PTGS1: variants seen among roughly 807,000 people sequenced by gnomAD.
PTGS1 encodes the protein prostaglandin-endoperoxide synthase 1.
PTGS1 carries 40 observed loss-of-function variants against 63.0 expected under a neutral mutation model. The observed-to-expected ratio is 0.63, with a 90% confidence interval of 0.49 to 0.83. The LOEUF (loss-of-function observed/expected upper bound fraction) is 0.83. Among genes scored for constraint, PTGS1 ranks in the 40% least tolerant of loss-of-function variants. The pLI is 0.00. For synonymous variants in PTGS1, 298 were observed against 301.9 expected, an observed-to-expected ratio of 0.99 and a Z score of 0.13; for missense variants, 709 against 786.5, an observed-to-expected ratio of 0.90 and a Z score of 1.18.
chr9:122,388,097 T>C (rs972709587), intron 9 of PTGS1, among the ~76,000 whole-genome samples: 7 of 152,250 alleles, frequency 4.6e-5, no homozygotes, highest in African/African-American at 1.7e-4. Context: ...TGGATGGTTT[T>C]CAGAACGTTT....
rs968401325 is a variant in PTGS1, at chr9:122,377,886, T to G, written c.95-13T>G. On this transcript the variant is annotated splice_polypyrimidine_tract_variant and intron_variant, in intron 2 of 10. Transcript: ENST00000362012. ...CCCTAGCATGGTCTCTGACCTCCAT[T>G]TCTCACCCACAGTGAATCCCTGTTG... 3.1e-6 allele frequency: 5 copies of G among 1,612,372 alleles called. No homozygotes were observed. Among genetic ancestry groups the G allele is most frequent in the Non-Finnish European group, 4.2e-6 (5 of 1,178,546 alleles).
intron 10 of PTGS1, 75 bp from the exon 11 acceptor site, chr9:122,392,114 G>A: frequency 7.4e-7 from 1 of 1,344,762 alleles, no homozygotes; most frequent in South Asian, 1.5e-5. Context: ...AGGTGGACCT[G>A]GAAGGGTCCC....
rs771663257 is a variant in PTGS1 at position 122,378,033 on chromosome 9, C to T, written c.211+18C>T. 1.3e-6 allele frequency: 2 copies of T among 1,599,958 alleles called. No individual in the cohort carries two copies. Among genetic ancestry groups the T allele is most frequent in the Admixed American group, 3.3e-5 (2 of 59,982 alleles). On this transcript the variant is annotated intron_variant, in intron 3 of 10. Transcript: ENST00000362012. ...CACCATCCGTGAGCTGGGCCTTCAGCCCTCACTCCTTCCGTCTTGAGCCCT... is the reference window on the plus strand; with the variant it reads ...CACCATCCGTGAGCTGGGCCTTCAGTCCTCACTCCTTCCGTCTTGAGCCCT...
intron 5 of PTGS1, among the ~76,000 whole-genome samples, chr9:122,379,290 T>C (rs761608245): frequency 1.3e-5 from 2 of 152,234 alleles, no homozygotes; most frequent in Non-Finnish European, 2.9e-5. Context: ...TAGTTTTACA[T>C]GCTTCACCAG....
intron 8 of PTGS1, among the ~76,000 whole-genome samples, chr9:122,386,104 G>A (rs577543442): frequency 1.3e-5 from 2 of 150,246 alleles, no homozygotes; most frequent in African/African-American, 4.9e-5. Context: ...AGACCAGCCT[G>A]GATAACATAG....
chr9:122,386,338 A>G lies in PTGS1; in HGVS notation c.1010-108A>G, dbSNP rs1837872230. On this transcript the variant is annotated intron_variant, in intron 8 of 10. Coordinates refer to ENST00000362012, the MANE Select transcript of PTGS1 (RefSeq NM_000962.4). ...AATAAACATCAACAGCAACAACAAC[A>G]ATAAAGAGACCAAAAGCAAGCACCT... The G allele has an allele frequency of 2.4e-6, 3 of 1,237,648 alleles. No individual in the cohort carries two copies. The East Asian group carries it at 7.0e-5, about 29-fold the overall frequency. The allele number at this position is 1,237,648 out of a possible 1,614,324, so 76.7% of individuals were successfully genotyped here.
intron 7 of PTGS1, among the ~76,000 whole-genome samples, chr9:122,382,231 G>A (rs1837572255): frequency 6.6e-6 from 1 of 152,090 alleles, no homozygotes; most frequent in Admixed American, 6.5e-5. Flanking sequence ...TATTAAAAGA[G>A]GGAAAAAGAA....
rs201584801 is a variant in PTGS1, at chr9:122,381,792, G to T, written c.762+45G>T. The T allele has an allele frequency of 8.3e-6, 13 of 1,569,176 alleles. No individual in the cohort carries two copies. In the African/African-American group the frequency reaches 1.5e-4, roughly 18 times the overall value. ...TAGGGCAGAGGGAGGGGTCTCCCAT[G>T]GTCTTCCCTGGCAAAGACTGCTTGG... On this transcript the variant is annotated intron_variant, in intron 7 of 10. Coordinates refer to ENST00000362012, the MANE Select transcript of PTGS1 (RefSeq NM_000962.4).
chr9:122,392,320 G>A lies in PTGS1; in HGVS notation c.1576G>A (p.Ala526Thr), dbSNP rs373931629. 6.2e-7 allele frequency: 1 copy of A among 1,614,144 alleles called. No individual in the cohort carries two copies. The highest frequency in any genetic ancestry group is 8.5e-7 in the Non-Finnish European group (1 of 1,180,026). The change falls in exon 11 of 11, where the codon GCT (alanine) becomes ACT (threonine). Residue 526 changes from alanine to threonine, a missense_variant. Transcript: ENST00000362012. ...IFGESMIEIG[A>T]PFSLKGLLGN... ...TGGGGAGAGTATGATAGAGATTGGG[G>A]CTCCCTTTTCCCTCAAGGGTCTCCT... is the stretch of plus-strand genomic sequence containing the variant.
At position 122,393,915 on chromosome 9, in the gene PTGS1, C is replaced by T. The variant is rs1351193810; in HGVS notation, c.*1371C>T. 1 of 152,240 alleles carries T rather than the reference C, an allele frequency of 6.6e-6. No individual in the cohort carries two copies. Among genetic ancestry groups the T allele is most frequent in the African/African-American group, 2.4e-5 (1 of 41,456 alleles). The allele number at this position is 152,240 out of a possible 1,614,324, so 9.4% of individuals were successfully genotyped here. A position where few individuals can be genotyped will look rare whatever the true frequency, so the allele number is the denominator to read the frequency against. On this transcript the variant is annotated 3_prime_UTR_variant, in exon 11 of 11. Coordinates refer to ENST00000362012, the MANE Select transcript of PTGS1 (RefSeq NM_000962.4). ...CATTCAGTCCCAAATATGTATTTTC[C>T]TAAGTGTTTACTATGTGCCAGTTCC...
chr9:122,386,274 G>C (rs1203483481), intron 8 of PTGS1, among the ~76,000 whole-genome samples, 172 bp from the exon 9 acceptor site: 1 of 152,126 alleles, frequency 6.6e-6, no homozygotes, highest in Non-Finnish European at 1.5e-5. Context: ...TTGCGCTCCA[G>C]CTTGGGTGAC....
chr9:122,378,663 G>A (rs1837332001), intron 4 of PTGS1, 90 bp downstream of exon 4: 1 of 1,604,852 alleles, frequency 6.2e-7, no homozygotes, highest in Non-Finnish European at 8.5e-7. Context: ...GGTAGTGGGT[G>A]GGGAGAGTCT....
At position 122,381,457 on chromosome 9, in the gene PTGS1, C is replaced by G; in HGVS notation, c.583C>G (p.Leu195Val). 5.6e-6 allele frequency: 9 copies of G among 1,614,234 alleles called. No homozygotes were observed. Among genetic ancestry groups the G allele is most frequent in the Non-Finnish European group, 7.6e-6 (9 of 1,180,044 alleles). Reference protein sequence around the residue: ...KFIPDPQGTNLMFAFFAQHFT... With the variant: ...KFIPDPQGTNVMFAFFAQHFT... ...CATACCTGACCCCCAAGGCACCAAC[C>G]TCATGTTTGCCTTCTTTGCACAACA... Residue 195 changes from leucine to valine, a missense_variant, in exon 6 of 11, where the codon CTC (leucine) becomes GTC (valine). By Grantham distance (32) the Leu-to-Val change is conservative. Coordinates refer to ENST00000362012, the MANE Select transcript of PTGS1 (RefSeq NM_000962.4).
intron 3 of PTGS1, 110 bp downstream of exon 3, chr9:122,378,125 C>T (rs966362004): frequency 1.8e-6 from 2 of 1,111,394 alleles, no homozygotes; most frequent in Non-Finnish European, 2.7e-6. Context: ...TGGCCCTGTT[C>T]TCCTTCCTTG....
chr9:122,389,019 C>T (rs561313414), intron 9 of PTGS1, among the ~76,000 whole-genome samples: 4 of 152,210 alleles, frequency 2.6e-5, no homozygotes, highest in African/African-American at 9.6e-5. Context: ...CCTCTGCTTG[C>T]TTTGCTCATA....
chr9:122,381,444 C>T lies in PTGS1; in HGVS notation c.570C>T (p.Pro190=), dbSNP rs760063671. Residue 190 remains proline (P), a synonymous_variant, in exon 6 of 11, where the codon CCC becomes CCT. Coordinates refer to ENST00000362012, the MANE Select transcript of PTGS1 (RefSeq NM_000962.4). ...TCAGGAGGAAGTTCATACCTGACCC[C>T]CAAGGCACCAACCTCATGTTTGCCT... is the stretch of plus-strand genomic sequence containing the variant. ...FLLRRKFIPD[P]QGTNLMFAFF... is the part of the protein sequence containing the mutation. 2 of 1,614,240 alleles carry T rather than the reference C, an allele frequency of 1.2e-6. No homozygotes were observed. Among genetic ancestry groups the T allele is most frequent in the South Asian group, 2.2e-5 (2 of 91,092 alleles).
chr9:122,383,071 A>C (rs1316627640), intron 7 of PTGS1, among the ~76,000 whole-genome samples: 1 of 152,086 alleles, frequency 6.6e-6, no homozygotes, highest in Non-Finnish European at 1.5e-5. Flanking sequence ...ATGACTTTAC[A>C]GGAAGGTGGA....
chr9:122,395,674 A>G lies in PTGS1; in HGVS notation c.*3130A>G, dbSNP rs1838536337. On this transcript the variant is annotated 3_prime_UTR_variant, in exon 11 of 11. Coordinates refer to ENST00000362012, the MANE Select transcript of PTGS1 (RefSeq NM_000962.4). Reference sequence around the variant, plus strand: ...GCCAACCCCAACAATTGTGTGAATTAATTTCTAAAAATAAAGCTATATACA... The same window carrying G: ...GCCAACCCCAACAATTGTGTGAATTGATTTCTAAAAATAAAGCTATATACA... The G allele has an allele frequency of 6.6e-6, 1 of 152,086 alleles. No individual in the cohort carries two copies. The highest frequency in any genetic ancestry group is 1.5e-5 in the Non-Finnish European group (1 of 68,020). 9.4% of individuals were successfully genotyped at this position (152,086 alleles called of 1,614,324 possible).
chr9:122,375,258 C>G (rs1837056316), intron 2 of PTGS1: 1 of 982,488 alleles, frequency 1.0e-6, no homozygotes, highest in Non-Finnish European at 1.2e-6. Flanking sequence ...GGAGGAGCCT[C>G]AGCTCCCGCA....
Sources: gnomAD v4.1 joint callset for allele counts (sites outside exome capture counted in the v4.1 genomes callset) on GRCh38, gnomAD v4.1.1 for gene constraint, MANE v1.5 for transcripts, NCBI Gene and HGNC (gene_info 2026-07-23, HGNC 2026-07-21) for gene names.